The following AFF3 variants were observed in gnomAD, a reference collection of about 807,000 sequenced individuals.
AFF3 encodes ALF transcription elongation factor 3, also known as AF4/FMR2 family member 3.
In AFF3, 32 loss-of-function variants were observed where a neutral mutation model predicts 129.7. The observed-to-expected ratio is 0.25, with a 90% CI of 0.19 to 0.33. The LOEUF is 0.33. Ranked by LOEUF, AFF3 falls within the 10% of genes least tolerant of loss-of-function variation. AFF3 has a pLI of 1.00. For synonymous variants in AFF3, 644 were observed against 635.4 expected (o/e 1.01, Z -0.20); for missense variants, 1,373 against 1,592.0 (o/e 0.86, Z 2.34).
intron 17 of AFF3, among the ~76,000 whole-genome samples, chr2:99,582,223 C>A (rs1677639416): frequency 6.6e-6 from 1 of 152,114 alleles, no homozygotes; most frequent in African/African-American, 2.4e-5. Context: ...GAAACAGGAG[C>A]AGAGAGATTA....
At chr2:99,590,801 T>C (rs1014757379) in intron 15 of AFF3, among the ~76,000 whole-genome samples, 2 of 152,158 alleles carry the variant, frequency 1.3e-5, no homozygotes, top group African/African-American at 2.4e-5. Context: ...GAGACCAGCC[T>C]GACCAACAAT....
intron 8 of AFF3, among the ~76,000 whole-genome samples, chr2:99,808,273 A>C (rs1686512686): frequency 6.6e-6 from 1 of 152,240 alleles, no homozygotes; most frequent in Admixed American, 6.5e-5. Context: ...AGAACAAGTG[A>C]ACAAGGCAGA....
At chr2:99,681,801 T>C (rs1674547162) in intron 11 of AFF3, among the ~76,000 whole-genome samples, 1 of 150,340 alleles carries the variant, frequency 6.7e-6, no homozygotes, top group South Asian at 2.1e-4. Flanking sequence ...TTTTGTTACT[T>C]TAGCCTGAGG....
At chr2:100,034,906 T>C (rs2104990270) in intron 4 of AFF3, among the ~76,000 whole-genome samples, 1 of 152,334 alleles carries the variant, frequency 6.6e-6, no homozygotes, top group African/African-American at 2.4e-5. Flanking sequence ...ATGAGTATTG[T>C]AGGGCCTGGT....
intron 11 of AFF3, among the ~76,000 whole-genome samples, chr2:99,715,270 ATCT>A (rs2104900977): frequency 6.6e-6 from 1 of 152,304 alleles, no homozygotes; most frequent in South Asian, 2.1e-4. Context: ...CACCCTTAAC[ATCT>A]TCTTAGTTTT....
At chr2:99,829,647 T>A (rs1688365035) in intron 8 of AFF3, among the ~76,000 whole-genome samples, 1 of 152,244 alleles carries the variant, frequency 6.6e-6, no homozygotes, top group South Asian at 2.1e-4. Context: ...CTGGCAAGGC[T>A]GTGGAGAAAG....
intron 4 of AFF3, among the ~76,000 whole-genome samples, chr2:100,066,079 G>T (rs1242831028): frequency 6.6e-6 from 1 of 152,190 alleles, no homozygotes; most frequent in African/African-American, 2.4e-5. Context: ...TTGCTAAACA[G>T]TAGTTCACTC....
At chr2:99,836,620 C>A (rs930053389) in intron 8 of AFF3, among the ~76,000 whole-genome samples, 4 of 151,480 alleles carry the variant, frequency 2.6e-5, no homozygotes, top group African/African-American at 9.7e-5. Context: ...AATTTTAACC[C>A]AAGTAATTGT....
intron 7 of AFF3, among the ~76,000 whole-genome samples, chr2:99,954,865 T>C (rs1676489696): frequency 6.6e-6 from 1 of 151,332 alleles, no homozygotes; most frequent in Non-Finnish European, 1.5e-5. Context: ...TGTATACATA[T>C]ATAACTAACC....
intron 18 of AFF3, among the ~76,000 whole-genome samples, chr2:99,576,894 T>C (rs563630383): frequency 6.6e-6 from 1 of 152,300 alleles, no homozygotes; most frequent in African/African-American, 2.4e-5. Context: ...CTGACTGTAC[T>C]CCCACTCCAT....
Position 99,726,997 on chromosome 2 carries a change from T to C in AFF3, c.1091+80A>G, listed in dbSNP as rs1384070036. 2.4e-6 allele frequency: 3 copies of C among 1,242,868 alleles called. No individual in the cohort carries two copies. In the African/African-American group the frequency reaches 4.6e-5, roughly 19 times the overall value. 77.0% of individuals were successfully genotyped at this position (1,242,868 alleles called of 1,614,324 possible). On this transcript the variant is annotated intron_variant, in intron 11 of 24. Coordinates refer to ENST00000672756, the MANE Select transcript of AFF3 (RefSeq NM_001386135.1). Reference sequence around the variant, plus strand: ...CTTCCTTCCATCATCATTATTACTATTACAAGATACTTGCACTATCTCATT... The same window carrying C: ...CTTCCTTCCATCATCATTATTACTACTACAAGATACTTGCACTATCTCATT...
chr2:99,997,131 C>T (rs1576507865), intron 7 of AFF3, among the ~76,000 whole-genome samples: 4 of 152,180 alleles, frequency 2.6e-5, no homozygotes, highest in Admixed American at 2.6e-4. Context: ...CACGTGTATG[C>T]TCACAACTCC....
At chr2:99,684,188 T>C in intron 11 of AFF3, among the ~76,000 whole-genome samples, 1 of 152,190 alleles carries the variant, frequency 6.6e-6, no homozygotes, top group African/African-American at 2.4e-5. Flanking sequence ...CTTCCCCAAA[T>C]GTCTTGAGGA....
intron 18 of AFF3, among the ~76,000 whole-genome samples, chr2:99,575,550 CGCGCCTGGCCTATTTTT>C (rs1241987253): frequency 2.0e-5 from 3 of 151,806 alleles, no homozygotes; most frequent in African/African-American, 7.3e-5. Flanking sequence ...CATGAGCCAC[CGCGCCTGGCCTATTTTT>C]GCTTTTCAAG....
chr2:99,739,013 A>G (rs1229282436), intron 10 of AFF3, among the ~76,000 whole-genome samples: 1 of 138,348 alleles, frequency 7.2e-6, no homozygotes, highest in Admixed American at 7.3e-5. Flanking sequence ...GAACTGTTCA[A>G]TTTTTTTTTT....
At chr2:100,060,933 C>T (rs1017223853) in intron 4 of AFF3, among the ~76,000 whole-genome samples, 3 of 152,198 alleles carry the variant, frequency 2.0e-5, no homozygotes, top group African/African-American at 7.2e-5. Flanking sequence ...GCTCAGACTT[C>T]CCTTGTTTTC....
Position 99,601,417 on chromosome 2 carries a change from G to A in AFF3, c.1371+18C>T. ...ACAGAAGTGGGCAGAGGAGAGGCCT[G>A]AGCCAGGCAGCGCTTACCTCGGGGC... is the stretch of plus-strand genomic sequence containing the variant. On this transcript the variant is annotated intron_variant, in intron 14 of 24. Coordinates refer to ENST00000672756, the MANE Select transcript of AFF3 (RefSeq NM_001386135.1). The A allele has an allele frequency of 1.3e-6, 2 of 1,583,930 alleles. No individual in the cohort carries two copies. Among genetic ancestry groups the A allele is most frequent in the Non-Finnish European group, 1.7e-6 (2 of 1,162,956 alleles).
At chr2:99,749,804 G>A (rs1210365102) in intron 9 of AFF3, among the ~76,000 whole-genome samples, 1 of 152,090 alleles carries the variant, frequency 6.6e-6, no homozygotes, top group South Asian at 2.1e-4. Context: ...CCTCTGATTC[G>A]AACAATGAAT....
intron 22 of AFF3, among the ~76,000 whole-genome samples, chr2:99,555,021 A>G (rs563735292): frequency 6.6e-6 from 1 of 152,342 alleles, no homozygotes; most frequent in East Asian, 1.9e-4. Context: ...TCCCTAGCAG[A>G]CAGGATACTC....
Sources: allele counts gnomAD v4.1 joint callset (sites outside exome capture counted in the v4.1 genomes callset), GRCh38; gene constraint gnomAD v4.1.1; transcripts MANE v1.5; gene names NCBI Gene and HGNC (gene_info 2026-07-23, HGNC 2026-07-21).